Variants in OR10Q1 observed in about 807,000 individuals in gnomAD.
OR10Q1 encodes the protein olfactory receptor family 10 subfamily Q member 1.
For missense variants in OR10Q1, 435 were observed against 414.0 expected, an observed-to-expected ratio of 1.05 and a Z score of -0.44; for synonymous variants, 211 against 180.5, an observed-to-expected ratio of 1.17 and a Z score of -1.35.
rs1489976872 is a variant in OR10Q1, at chr11:58,228,578, C to T, written c.298G>A (p.Gly100Arg). The change falls in exon 1 of 1, where the codon GGA (glycine) becomes AGA (arginine). Residue 100 changes from glycine (G) to arginine (R), a missense_variant. Transcript: ENST00000316770. ...LGAQKPISLA[G>R]CGAQMFFFVT... The stretch of plus-strand genomic sequence containing the variant: ...AAGAAGAACATTTGGGCCCCACATC[C>T]AGCCAACGAAATGGGCTTCTGGGCC... The T allele has an allele frequency of 6.2e-7, 1 of 1,614,154 alleles. No individual in the cohort carries two copies. Among genetic ancestry groups the T allele is most frequent in the Non-Finnish European group, 8.5e-7 (1 of 1,180,010 alleles).
Position 58,228,787 on chromosome 11 carries a change from A to G in OR10Q1, c.89T>C (p.Leu30Pro), listed in dbSNP as rs770332617. Residue 30 changes from leucine to proline, a missense_variant, in exon 1 of 1, where the codon CTT (leucine) becomes CCT (proline). By Grantham distance (98) the Leu-to-Pro change is moderately conservative (BLOSUM62 -3). Transcript: ENST00000316770. ...AFTTATEFQV[L>P]LFLLFLLLYL... ...GAGGAGGAGGAAGAGAAGGAAGAGAAGAACCTGGAATTCAGTGGCTGTGGT... is the reference window on the plus strand; with the variant it reads ...GAGGAGGAGGAAGAGAAGGAAGAGAGGAACCTGGAATTCAGTGGCTGTGGT... 4.3e-6 allele frequency: 7 copies of G among 1,613,938 alleles called. No homozygotes were observed. The African/African-American group carries it at 8.0e-5, about 18-fold the overall frequency.
Position 58,228,469 on chromosome 11 carries a change from T to C in OR10Q1, c.407A>G (p.Tyr136Cys), listed in dbSNP as rs767909924. The change falls in exon 1 of 1, where the codon TAC becomes TGC. Residue 136 changes from tyrosine to cysteine, a missense_variant. By Grantham distance (194) the Tyr-to-Cys change is radical. Transcript: ENST00000316770. ...RYVAICHPLH[Y>C]TLIMTRELCT... ...CAGCTCGCGGGTCATGATGAGGGTG[T>C]AGTGCAGCGGGTGGCAGATAGCCAC... The C allele has an allele frequency of 1.2e-6, 2 of 1,613,954 alleles. No individual in the cohort carries two copies. The highest frequency in any genetic ancestry group is 1.7e-6 in the Non-Finnish European group (2 of 1,179,976).
In OR10Q1 at chr11:58,228,036, C is replaced by T. The variant is rs764641606; in HGVS notation, c.840G>A (p.Ala280=). The stretch of plus-strand genomic sequence containing the variant: ...AGGGGGTGACAAAGGTGTAGACCAA[C>T]GCGATTTGGCTGTCCTCATCCTCTG... ...STSEDEDSQI[A]LVYTFVTPLL... Residue 280 remains alanine (A), a synonymous_variant, in exon 1 of 1, where the codon GCG becomes GCA. Coordinates refer to ENST00000316770, the MANE Select transcript of OR10Q1 (RefSeq NM_001004471.2). 4 of 1,613,992 alleles carry T rather than the reference C, an allele frequency of 2.5e-6. No individual in the cohort carries two copies. Among genetic ancestry groups the T allele is most frequent in the Non-Finnish European group, 2.5e-6 (3 of 1,180,036 alleles).
Position 58,228,143 on chromosome 11 carries a change from T to A in OR10Q1, c.733A>T (p.Thr245Ser). Residue 245 changes from threonine (T) to serine (S), a missense_variant, in exon 1 of 1, where the codon ACC (threonine) becomes TCC (serine). Transcript: ENST00000316770. Reference sequence around the variant, plus strand: ...ACCACGGTGAGGTGGAAGGAGCAGGTGGAGAAGGCCCGGCGGCGGCCCTCG... The same window carrying A: ...ACCACGGTGAGGTGGAAGGAGCAGGAGGAGAAGGCCCGGCGGCGGCCCTCG... The part of the protein sequence containing the change: ...SAEGRRRAFS[T>S]CSFHLTVVLL... 1 of 1,613,958 alleles carries A rather than the reference T, an allele frequency of 6.2e-7. No homozygotes were observed. The highest frequency in any genetic ancestry group is 8.5e-7 in the Non-Finnish European group (1 of 1,179,982).
Position 58,228,495 on chromosome 11 carries a change from A to G in OR10Q1, c.381T>C (p.Tyr127=), listed in dbSNP as rs373694328. 1 of 1,614,078 alleles carries G rather than the reference A, an allele frequency of 6.2e-7. No homozygotes were observed. Among genetic ancestry groups the G allele is most frequent in the Admixed American group, 1.7e-5 (1 of 60,024 alleles). Residue 127 remains tyrosine, a synonymous_variant, in exon 1 of 1, where the codon TAT becomes TAC. Transcript: ENST00000316770. The part of the protein sequence containing the change: ...FLLAIMAYDR[Y]VAICHPLHYT... The stretch of plus-strand genomic sequence containing the variant: ...AGTGCAGCGGGTGGCAGATAGCCAC[A>G]TAGCGGTCATAGGCCATGATCGCCA...
At position 58,228,125 on chromosome 11, in the gene OR10Q1, T is replaced by C. The variant is rs750006386; in HGVS notation, c.751A>G (p.Thr251Ala). 2 of 1,613,500 alleles carry C rather than the reference T, an allele frequency of 1.2e-6. No individual in the cohort carries two copies. The highest frequency in any genetic ancestry group is 1.1e-5 in the South Asian group (1 of 91,032). Residue 251 changes from threonine (T) to alanine (A), a missense_variant, in exon 1 of 1, where the codon ACC becomes GCC. Coordinates refer to ENST00000316770, the MANE Select transcript of OR10Q1 (RefSeq NM_001004471.2). ...RAFSTCSFHL[T>A]VVLLQYGCCS... ...CAGCCATACTGCAGCAGGACCACGGTGAGGTGGAAGGAGCAGGTGGAGAAG... is the reference window on the plus strand; with the variant it reads ...CAGCCATACTGCAGCAGGACCACGGCGAGGTGGAAGGAGCAGGTGGAGAAG...
Position 58,228,752 on chromosome 11 carries a change from T to C in OR10Q1, c.124A>G (p.Ile42Val). ...ATGATGGCTGTGTTGCCACAGAGGATCATCAAGTAGAGGAGGAGGAAGAGA... is the reference window on the plus strand; with the variant it reads ...ATGATGGCTGTGTTGCCACAGAGGACCATCAAGTAGAGGAGGAGGAAGAGA... ...FLLFLLLYLM[I>V]LCGNTAIIWV... The change falls in exon 1 of 1, where the codon ATC becomes GTC. Residue 42 changes from isoleucine (I) to valine (V), a missense_variant. Transcript: ENST00000316770. 6.2e-7 allele frequency: 1 copy of C among 1,613,494 alleles called. No homozygotes were observed. The highest frequency in any genetic ancestry group is 1.1e-5 in the South Asian group (1 of 91,046).
rs1328621627 is a variant in OR10Q1, at chr11:58,228,000, AG to A, written c.875del (p.Pro292LeufsTer15). 4 of 1,614,120 alleles carry A rather than the reference AG, an allele frequency of 2.5e-6. No individual in the cohort carries two copies. Among genetic ancestry groups the A allele is most frequent in the Non-Finnish European group, 3.4e-6 (4 of 1,180,040 alleles). On this transcript the variant is annotated frameshift_variant, in exon 1 of 1. Transcript: ENST00000316770. LOFTEE classifies it low-confidence loss of function (END_TRUNC). ...CCTTGTTCCTAAGGCTGTAAAGCAA[AG>A]GGTTGAGTAAGGGGGTGACAAAGGT... ...VYTFVTPLLN[P>X]LLYSLRNKDV...
chr11:58,228,893 A>T lies in OR10Q1; in HGVS notation c.-18T>A, dbSNP rs764927905. 1 of 1,610,426 alleles carries T rather than the reference A, an allele frequency of 6.2e-7. No individual in the cohort carries two copies. The highest frequency in any genetic ancestry group is 1.3e-5 in the African/African-American group (1 of 74,940). On this transcript the variant is annotated 5_prime_UTR_variant, in exon 1 of 1. Transcript: ENST00000316770. Reference sequence around the variant, plus strand: ...ACAGGCATGTCTTATGCAAAAGAATAGGACGCGCTGAGCTCTTCTTGGCTG... The same window carrying T: ...ACAGGCATGTCTTATGCAAAAGAATTGGACGCGCTGAGCTCTTCTTGGCTG...
In OR10Q1 at chr11:58,228,347, G is replaced by T. The variant is rs1040374339; in HGVS notation, c.529C>A (p.Gln177Lys). 1.2e-6 allele frequency: 2 copies of T among 1,613,978 alleles called. No homozygotes were observed. The highest frequency in any genetic ancestry group is 2.2e-5 in the East Asian group (1 of 44,848). ...TCGCAGAGGAAGTGGTTGATTTCCTGGTGGTGGCCGCAAAAGGGCAGGGTG... is the reference window on the plus strand; with the variant it reads ...TCGCAGAGGAAGTGGTTGATTTCCTTGTGGTGGCCGCAAAAGGGCAGGGTG... ...IFTLPFCGHH[Q>K]EINHFLCDVP... is the part of the protein sequence containing the mutation. Residue 177 changes from glutamine to lysine, a missense_variant, in exon 1 of 1, where the codon CAG becomes AAG. Gln to Lys is a moderately conservative substitution (Grantham distance 53, BLOSUM62 1). Transcript: ENST00000316770.
At position 58,228,614 on chromosome 11, in the gene OR10Q1, T is replaced by A. The variant is rs1381506289; in HGVS notation, c.262A>T (p.Asn88Tyr). The A allele has an allele frequency of 1.2e-6, 2 of 1,614,024 alleles. 1 individual carries two copies. The highest frequency in any genetic ancestry group is 2.2e-5 in the South Asian group (2 of 91,078). Residue 88 changes from asparagine to tyrosine, a missense_variant, in exon 1 of 1, where the codon AAC becomes TAC. Transcript: ENST00000316770. ...TTVVVPLMLS[N>Y]ILGAQKPISL... ...ATGGGCTTCTGGGCCCCCAAAATGTTGGAAAGCATCAAGGGTACTACCACG... is the reference window on the plus strand; with the variant it reads ...ATGGGCTTCTGGGCCCCCAAAATGTAGGAAAGCATCAAGGGTACTACCACG...
Position 58,227,895 on chromosome 11 carries a change from C to A in OR10Q1, c.*21G>T. ...TTTGACACAGCAACAGACAGACACCCAGCCCAGTGCCCCTAAGCCTTCAGT... is the reference window on the plus strand; with the variant it reads ...TTTGACACAGCAACAGACAGACACCAAGCCCAGTGCCCCTAAGCCTTCAGT... On this transcript the variant is annotated 3_prime_UTR_variant, in exon 1 of 1. Transcript: ENST00000316770. The A allele has an allele frequency of 1.3e-6, 2 of 1,590,658 alleles. No individual in the cohort carries two copies. The highest frequency in any genetic ancestry group is 1.7e-6 in the Non-Finnish European group (2 of 1,166,132).
Position 58,228,342 on chromosome 11 carries a change from T to C in OR10Q1, c.534A>G (p.Glu178=), listed in dbSNP as rs1265524991. 1.2e-6 allele frequency: 2 copies of C among 1,613,928 alleles called. No homozygotes were observed. The highest frequency in any genetic ancestry group is 3.3e-5 in the Admixed American group (2 of 60,024). Residue 178 remains glutamate (E), a synonymous_variant, in exon 1 of 1, where the codon GAA becomes GAG. Transcript: ENST00000316770. ...FTLPFCGHHQ[E]INHFLCDVPP... is the part of the protein sequence containing the mutation. ...GCACATCGCAGAGGAAGTGGTTGAT[T>C]TCCTGGTGGTGGCCGCAAAAGGGCA...
Position 58,227,918 on chromosome 11 carries a change from A to T in OR10Q1, c.958T>A (p.Ter320ArgextTer?). 2 of 1,607,208 alleles carry T rather than the reference A, an allele frequency of 1.2e-6. No homozygotes were observed. Among genetic ancestry groups the T allele is most frequent in the Non-Finnish European group, 1.7e-6 (2 of 1,175,498 alleles). The stretch of plus-strand genomic sequence containing the variant: ...CCCAGCCCAGTGCCCCTAAGCCTTC[A>T]GTTGGCGTCAGAGGCTGCTTTACGG... The part of the protein sequence containing the change: ...IIRKAASDAN[*>R] Residue 320 changes from the stop codon to arginine, a stop_lost, in exon 1 of 1, where the codon TGA (stop) becomes AGA (arginine). Coordinates refer to ENST00000316770, the MANE Select transcript of OR10Q1 (RefSeq NM_001004471.2).
At position 58,228,305 on chromosome 11, in the gene OR10Q1, G is replaced by A. The variant is rs11229301; in HGVS notation, c.571C>T (p.Arg191Cys). 0.14 allele frequency: 230,793 copies of A among 1,613,614 alleles called. 16,804 individuals are homozygous for A. Among genetic ancestry groups the A allele is most frequent in the Middle Eastern group, 0.19 (1,104 of 5,814 alleles). The stretch of plus-strand genomic sequence containing the variant: ...ACGCGGATGTCAGCGCAGGCCAGGC[G>A]CAGGACGGGAGGCACATCGCAGAGG... ...HFLCDVPPVL[R>C]LACADIRVHQ... Residue 191 changes from arginine (R) to cysteine (C), a missense_variant, in exon 1 of 1, where the codon CGC becomes TGC. Transcript: ENST00000316770.
Position 58,228,697 on chromosome 11 carries a change from C to A in OR10Q1, c.179G>T (p.Arg60Leu), listed in dbSNP as rs140342625. ...GGACAGGAAGAAATACATCGGGGTG[C>A]GGAGGGTGCTGTGTGTGCACACCAC... Reference protein sequence around the residue: ...IWVVCTHSTLRTPMYFFLSNL... With the variant: ...IWVVCTHSTLLTPMYFFLSNL... Residue 60 changes from arginine (R) to leucine (L), a missense_variant, in exon 1 of 1, where the codon CGC becomes CTC. Transcript: ENST00000316770. The A allele has an allele frequency of 1.2e-6, 2 of 1,613,862 alleles. No individual in the cohort carries two copies. Among genetic ancestry groups the A allele is most frequent in the Non-Finnish European group, 1.7e-6 (2 of 1,179,978 alleles).
Position 58,228,395 on chromosome 11 carries a change from G to A in OR10Q1, c.481C>T (p.Leu161=). ...GALGLALFPS[L]QLTALIFTLP... Reference sequence around the variant, plus strand: ...GTGAAGATTAAGGCGGTGAGCTGCAGGGAGGGGAAGAGGGCCAGGCCCAGG... The same window carrying A: ...GTGAAGATTAAGGCGGTGAGCTGCAAGGAGGGGAAGAGGGCCAGGCCCAGG... Residue 161 remains leucine, a synonymous_variant, in exon 1 of 1, where the codon CTG becomes TTG. Transcript: ENST00000316770. The A allele has an allele frequency of 6.2e-7, 1 of 1,614,070 alleles. No homozygotes were observed. Among genetic ancestry groups the A allele is most frequent in the Non-Finnish European group, 8.5e-7 (1 of 1,180,046 alleles).
chr11:58,228,694 G>T lies in OR10Q1; in HGVS notation c.182C>A (p.Thr61Asn), dbSNP rs777067286. The change falls in exon 1 of 1, where the codon ACC (threonine) becomes AAC (asparagine). Residue 61 changes from threonine to asparagine, a missense_variant. Coordinates refer to ENST00000316770, the MANE Select transcript of OR10Q1 (RefSeq NM_001004471.2). ...WVVCTHSTLR[T>N]PMYFFLSNLS... ...GTTGGACAGGAAGAAATACATCGGG[G>T]TGCGGAGGGTGCTGTGTGTGCACAC... 1.2e-5 allele frequency: 19 copies of T among 1,614,020 alleles called. No individual in the cohort carries two copies. Among genetic ancestry groups the T allele is most frequent in the Non-Finnish European group, 1.4e-5 (16 of 1,179,994 alleles).
At position 58,228,215 on chromosome 11, in the gene OR10Q1, C is replaced by T. The variant is rs1415254833; in HGVS notation, c.661G>A (p.Val221Ile). The T allele has an allele frequency of 1.2e-6, 2 of 1,614,004 alleles. No homozygotes were observed. Among genetic ancestry groups the T allele is most frequent in the Non-Finnish European group, 1.7e-6 (2 of 1,180,036 alleles). Residue 221 changes from valine to isoleucine, a missense_variant, in exon 1 of 1, where the codon GTC becomes ATC. By Grantham distance (29) the Val-to-Ile change is conservative (BLOSUM62 3). Transcript: ENST00000316770. ...GCACAGGTGATGAACACGTAGGAGA[C>T]GCAGATGAGCAGGAAGGGGATGGTC... ...VLTIPFLLIC[V>I]SYVFITCAIL...
Sources: allele counts gnomAD v4.1 joint callset, GRCh38; gene constraint gnomAD v4.1.1; transcripts MANE v1.5; gene names NCBI Gene and HGNC (gene_info 2026-07-23, HGNC 2026-07-21).